Variants in WDPCP observed in about 807,000 individuals in gnomAD.
WDPCP encodes WD repeat containing planar cell polarity effector, also known as WD repeat-containing and planar cell polarity effector protein fritz homolog.
A neutral mutation model predicts 93.1 loss-of-function variants in WDPCP; 71 were observed. The observed-to-expected ratio is 0.76, with a 90% CI of 0.63 to 0.93. WDPCP has a LOEUF of 0.93. WDPCP is among the 40% of genes least tolerant of loss of function. The pLI, the probability that WDPCP is intolerant of heterozygous loss-of-function variation, is 0.00. For missense variants in WDPCP, 844 were observed against 887.4 expected, an observed-to-expected ratio of 0.95 and a Z score of 0.62; for synonymous variants, 315 against 315.0, an observed-to-expected ratio of 1.00 and a Z score of 0.00.
At chr2:63,409,487 G>A (rs776821419) in intron 9 of WDPCP, among the ~76,000 whole-genome samples, 4 of 152,078 alleles carry the variant, frequency 2.6e-5, no homozygotes, top group Non-Finnish European at 5.9e-5. Context: ...GACACAACAA[G>A]GCTCTTTAGT....
In WDPCP at chr2:63,313,886, A is replaced by ATATT; in HGVS notation, c.1749-576_1749-575insAATA. 6.2e-4 allele frequency among the ~76,000 whole-genome samples: 46 copies of ATATT among 74,472 alleles called. 1 individual carries two copies. Among genetic ancestry groups the ATATT allele is most frequent in the East Asian group, 1.2e-3 (3 of 2,572 alleles). The allele number at this position is 74,472 out of a possible 152,430, so 48.9% of individuals were successfully genotyped here. A position where few individuals can be genotyped will look rare whatever the true frequency, so the allele number is the denominator to read the frequency against. On this transcript the variant is annotated intron_variant, in intron 12 of 17. Coordinates refer to ENST00000272321, the MANE Select transcript of WDPCP (RefSeq NM_015910.7). ...TATATATATATATATATATATATAT[A>ATATT]TTTTTTTTTTTTTGGAGATGGAGTC...
At chr2:63,625,280 G>GCT (rs1227544981) in intron 3 of WDPCP, among the ~76,000 whole-genome samples, 1 of 152,110 alleles carries the variant, frequency 6.6e-6, no homozygotes, top group Non-Finnish European at 1.5e-5. Flanking sequence ...AGACAAGGAT[G>GCT]CTCTCTCTCT....
chr2:63,388,687 T>G (rs537462855), intron 10 of WDPCP, among the ~76,000 whole-genome samples: 1 of 151,800 alleles, frequency 6.6e-6, no homozygotes, highest in Non-Finnish European at 1.5e-5. Flanking sequence ...GAATAAACAG[T>G]GTAGAGAAGA....
intron 13 of WDPCP, among the ~76,000 whole-genome samples, chr2:63,267,980 A>G (rs193038711): frequency 4.7e-4 from 72 of 152,282 alleles, no homozygotes; most frequent in African/African-American, 1.6e-3. Context: ...GTATATATCC[A>G]AAGGGATTGA....
chr2:63,689,449 G>C (rs1342620612), intron 2 of WDPCP, among the ~76,000 whole-genome samples: 2 of 152,174 alleles, frequency 1.3e-5, no homozygotes, highest in East Asian at 3.9e-4. Context: ...TTGTAGGAGG[G>C]TGAAGTAAAT....
intron 1 of WDPCP, among the ~76,000 whole-genome samples, chr2:63,526,111 G>A (rs567915576): frequency 1.3e-5 from 2 of 152,128 alleles, no homozygotes; most frequent in South Asian, 2.1e-4. Flanking sequence ...TCCCATGCAC[G>A]TGCATAACTT....
chr2:63,565,188 A>C (rs578058454), intron 1 of WDPCP, among the ~76,000 whole-genome samples: 2 of 152,338 alleles, frequency 1.3e-5, no homozygotes, highest in African/African-American at 4.8e-5. Context: ...TGATTATCAA[A>C]TCCCAGATTA....
intron 1 of WDPCP, among the ~76,000 whole-genome samples, chr2:63,505,203 T>C (rs529320218): frequency 1.3e-5 from 2 of 152,196 alleles, no homozygotes; most frequent in South Asian, 4.1e-4. Flanking sequence ...CTTCCCTGAT[T>C]GTTTGCTTTC....
chr2:63,342,950 G>A (rs150593539), intron 12 of WDPCP, among the ~76,000 whole-genome samples: 1 of 152,094 alleles, frequency 6.6e-6, no homozygotes, highest in Non-Finnish European at 1.5e-5. Flanking sequence ...TATCTAGAAT[G>A]TCTTAATTCT....
At chr2:63,540,504 T>C (rs995830498) in intron 1 of WDPCP, among the ~76,000 whole-genome samples, 2 of 152,130 alleles carry the variant, frequency 1.3e-5, no homozygotes, top group African/African-American at 4.8e-5. Flanking sequence ...AGGAATGCAC[T>C]CAGTGTTCAC....
chr2:63,415,578 C>A (rs1695357334), intron 9 of WDPCP, among the ~76,000 whole-genome samples: 1 of 152,148 alleles, frequency 6.6e-6, no homozygotes, highest in South Asian at 2.1e-4. Context: ...CCTGGTCCCA[C>A]TAATAAGTGA....
chr2:63,458,803 G>C (rs1329741961), intron 6 of WDPCP, among the ~76,000 whole-genome samples: 2 of 152,060 alleles, frequency 1.3e-5, no homozygotes, highest in East Asian at 3.9e-4. Flanking sequence ...CAAATCTGGA[G>C]GCATCACACT....
At chr2:63,205,532 G>GAT (rs1325906618) in intron 14 of WDPCP, among the ~76,000 whole-genome samples, 6 of 152,048 alleles carry the variant, frequency 3.9e-5, no homozygotes, top group Admixed American at 2.0e-4. Context: ...TCATTATACA[G>GAT]ATCTTTCACT....
intron 1 of WDPCP, among the ~76,000 whole-genome samples, chr2:63,573,758 A>G (rs954546124): frequency 1.3e-5 from 2 of 152,206 alleles, no homozygotes; most frequent in African/African-American, 2.4e-5. Context: ...GAACAGAGCC[A>G]TATTCCTCTT....
At chr2:63,682,613 G>C (rs1269313300) in intron 2 of WDPCP, among the ~76,000 whole-genome samples, 1 of 152,062 alleles carries the variant, frequency 6.6e-6, no homozygotes, top group Admixed American at 6.6e-5. Context: ...GATACAGATA[G>C]AAAGTTTATT....
chr2:63,760,176 C>A (rs569961051), intron 2 of WDPCP, among the ~76,000 whole-genome samples: 1 of 152,306 alleles, frequency 6.6e-6, no homozygotes, highest in African/African-American at 2.4e-5. Context: ...GTATTAAGAA[C>A]TTTAAGATGG....
At chr2:63,323,781 T>A (rs1687307090) in intron 12 of WDPCP, among the ~76,000 whole-genome samples, 1 of 152,016 alleles carries the variant, frequency 6.6e-6, no homozygotes, top group South Asian at 2.1e-4. Flanking sequence ...GAGAATGCGT[T>A]GGTAAGGGCC....
intron 10 of WDPCP, among the ~76,000 whole-genome samples, chr2:63,401,988 A>T (rs1256841538): frequency 6.6e-6 from 1 of 152,160 alleles, no homozygotes. Flanking sequence ...TACCCAAAGG[A>T]ATATAAATCA....
chr2:63,432,499 T>C (rs1696837297), intron 9 of WDPCP, among the ~76,000 whole-genome samples: 1 of 152,172 alleles, frequency 6.6e-6, no homozygotes, highest in Non-Finnish European at 1.5e-5. Flanking sequence ...TACCAGGGGA[T>C]ATGTAGTTGC....
Sources: allele counts gnomAD v4.1 joint callset (sites outside exome capture counted in the v4.1 genomes callset), GRCh38; gene constraint gnomAD v4.1.1; transcripts MANE v1.5; gene names NCBI Gene and HGNC (gene_info 2026-07-23, HGNC 2026-07-21).